The following CDH23 variants were observed in gnomAD, a reference collection of about 807,000 sequenced individuals.
CDH23 encodes cadherin related 23.
Under a neutral mutation model 317.1 loss-of-function variants are expected in CDH23, and 189 were observed. The ratio of observed to expected loss-of-function variants is 0.60; its 90% CI spans 0.53 to 0.67. CDH23 has a LOEUF of 0.67. Ranked by LOEUF, CDH23 falls within the 30% of genes least tolerant of loss-of-function variation. The pLI is 0.00. For synonymous variants in CDH23, 1,839 were observed against 1,876.8 expected (o/e 0.98, Z 0.52); for missense variants, 4,401 against 4,592.4 (o/e 0.96, Z 1.20).
At chr10:71,698,008 TA>T (rs1865456831) in intron 22 of CDH23, among the ~76,000 whole-genome samples, 1 of 152,216 alleles carries the variant, frequency 6.6e-6, no homozygotes, top group Non-Finnish European at 1.5e-5. Context: ...TAAAACTTGT[TA>T]TATGAAACAT....
chr10:71,608,871 A>C (rs530230329), intron 9 of CDH23, among the ~76,000 whole-genome samples: 1 of 152,210 alleles, frequency 6.6e-6, no homozygotes, highest in African/African-American at 2.4e-5. Context: ...CCGAGTGGGG[A>C]GCCTTAGGCT....
At chr10:71,532,721 TTTTTTG>T (rs1855461825) in intron 6 of CDH23, among the ~76,000 whole-genome samples, 1 of 36,104 alleles carries the variant, frequency 2.8e-5, no homozygotes, top group African/African-American at 1.3e-4. Context: ...GTTTTTTTTT[TTTTTTG>T]TTTTTTTTTT....
intron 38 of CDH23, chr10:71,760,731 A>C (rs1840358346): frequency 1.3e-6 from 1 of 768,446 alleles, no homozygotes; most frequent in Non-Finnish European, 2.3e-6. Context: ...AGGGATGTGC[A>C]GCAGCAGAAA....
chr10:71,784,042 A>C (rs1247543458), intron 41 of CDH23, among the ~76,000 whole-genome samples: 4 of 152,294 alleles, frequency 2.6e-5, no homozygotes, highest in Non-Finnish European at 5.9e-5. Context: ...TTGGTCTGGC[A>C]CATGAGGGCA....
In CDH23 at chr10:71,707,031, C is replaced by A; in HGVS notation, c.3088C>A (p.Leu1030Ile). The change falls in exon 26 of 70, where the codon CTC (leucine) becomes ATC (isoleucine). Residue 1030 changes from leucine to isoleucine, a missense_variant. Physicochemically the swap from Leu to Ile is conservative, Grantham distance 5. Around this residue, in one of 3 missense-constraint regions of CDH23, gnomAD observed 3,068 missense variants for 3,203.3 expected, o/e 0.96. Coordinates refer to ENST00000224721, the MANE Select transcript of CDH23 (RefSeq NM_022124.6). ...TDNDVGLNAE[L>I]SYFITGGNVD... ...CAACGACGTGGGCCTCAATGCAGAG[C>A]TCAGCTACTTCATCACAGGTGCTGC... 1 of 1,606,186 alleles carries A rather than the reference C, an allele frequency of 6.2e-7. No individual in the cohort carries two copies. Among genetic ancestry groups the A allele is most frequent in the Non-Finnish European group, 8.5e-7 (1 of 1,176,500 alleles).
At chr10:71,579,284 G>A (rs1340888323) in intron 9 of CDH23, among the ~76,000 whole-genome samples, 1 of 152,036 alleles carries the variant, frequency 6.6e-6, no homozygotes. Flanking sequence ...CATGACTATT[G>A]TTGCACCTCT....
chr10:71,814,335 A>T (rs150187598), intron 69 of CDH23, among the ~76,000 whole-genome samples: 1 of 152,242 alleles, frequency 6.6e-6, no homozygotes, highest in African/African-American at 2.4e-5. Flanking sequence ...GGATCACTTG[A>T]GCCCAGGAGT....
At chr10:71,563,729 C>G (rs1317123032) in intron 6 of CDH23, among the ~76,000 whole-genome samples, 1 of 149,922 alleles carries the variant, frequency 6.7e-6, no homozygotes, top group East Asian at 1.9e-4. Flanking sequence ...TCTTATAATA[C>G]TTTTTTTTTC....
chr10:71,734,628 C>T, intron 33 of CDH23, 28 bp from the exon 34 acceptor site: 6 of 1,529,838 alleles, frequency 3.9e-6, no homozygotes, highest in Non-Finnish European at 5.3e-6. Flanking sequence ...TTCTCTCACT[C>T]CCCTCCTGCT....
At chr10:71,748,566 GC>G (rs1201243231) in intron 38 of CDH23, 3 of 152,240 alleles carry the variant, frequency 2.0e-5, no homozygotes, top group African/African-American at 7.2e-5. Context: ...AGGTAAGATG[GC>G]CCCTAATTCC....
At chr10:71,599,444 A>G (rs1275354660) in intron 9 of CDH23, among the ~76,000 whole-genome samples, 1 of 152,146 alleles carries the variant, frequency 6.6e-6, no homozygotes, top group East Asian at 1.9e-4. Flanking sequence ...GTTTTGTTGC[A>G]TTTTTGAAAG....
chr10:71,431,210 T>C (rs1849355765), intron 1 of CDH23, among the ~76,000 whole-genome samples: 1 of 152,218 alleles, frequency 6.6e-6, no homozygotes. Flanking sequence ...TATGATATTT[T>C]TAAGAGTCGG....
chr10:71,484,346 A>G (rs1257385333), intron 3 of CDH23, among the ~76,000 whole-genome samples: 2 of 152,114 alleles, frequency 1.3e-5, no homozygotes, highest in East Asian at 3.9e-4. Flanking sequence ...CTCTTCCTCC[A>G]TCTCCCAGGG....
At chr10:71,804,966 G>A (rs1175689699) in intron 55 of CDH23, among the ~76,000 whole-genome samples, 1 of 152,128 alleles carries the variant, frequency 6.6e-6, no homozygotes. Context: ...AAAGATTTAT[G>A]TCTCCTGAAC....
In CDH23 at chr10:71,797,107, C is replaced by T. The variant is rs1323235604; in HGVS notation, c.6716C>T (p.Ser2239Phe). The part of the protein sequence containing the change: ...DAFAVNINTG[S>F]VMVKSPMNRE... ...CCTGGCCTGGTCTGGTCCACAGGAT[C>T]TGTAATGGTGAAGTCCCCCATGAAT... is the stretch of plus-strand genomic sequence containing the variant. The change falls in exon 49 of 70, where the codon TCT (serine) becomes TTT (phenylalanine). Residue 2239 changes from serine to phenylalanine, a missense_variant. Around this residue, in one of 3 missense-constraint regions of CDH23, gnomAD observed 3,068 missense variants for 3,203.3 expected, o/e 0.96. Coordinates refer to ENST00000224721, the MANE Select transcript of CDH23 (RefSeq NM_022124.6). The T allele has an allele frequency of 6.2e-7, 1 of 1,608,346 alleles. No homozygotes were observed. The highest frequency in any genetic ancestry group is 1.7e-5 in the Admixed American group (1 of 59,866).
Position 71,805,822 on chromosome 10 carries a change from CCAA to C in CDH23, c.7891_7893del (p.Asn2631del). 1 of 1,613,450 alleles carries C rather than the reference CCAA, an allele frequency of 6.2e-7. No homozygotes were observed. The highest frequency in any genetic ancestry group is 1.1e-5 in the South Asian group (1 of 90,878). ...TCCCCACAGGAGATCCCGCTGCGCT[CCAA>C]CGTGTACGAGGTCTACGCCACGGAC... is the stretch of plus-strand genomic sequence containing the variant. On this transcript the variant is annotated inframe_deletion, in exon 56 of 70. Coordinates refer to ENST00000224721, the MANE Select transcript of CDH23 (RefSeq NM_022124.6).
At chr10:71,533,525 CCACACACACA>C (rs55659529) in intron 6 of CDH23, among the ~76,000 whole-genome samples, 16 of 130,824 alleles carry the variant, frequency 1.2e-4, no homozygotes, top group African/African-American at 3.6e-4. Context: ...TGGCTGGACA[CCACACACACA>C]CACACACACA....
intron 22 of CDH23, among the ~76,000 whole-genome samples, chr10:71,699,428 T>C (rs574784289): frequency 6.6e-6 from 1 of 152,356 alleles, no homozygotes; most frequent in South Asian, 2.1e-4. Flanking sequence ...ACAAGTGTCT[T>C]CCCACATGTG....
intron 35 of CDH23, among the ~76,000 whole-genome samples, chr10:71,739,406 C>T (rs1244869052): frequency 6.6e-6 from 1 of 152,204 alleles, no homozygotes; most frequent in African/African-American, 2.4e-5. Context: ...CTCTTCCAGG[C>T]CAGGATACTG....
Sources: gnomAD v4.1 joint callset for allele counts (sites outside exome capture counted in the v4.1 genomes callset) on GRCh38, gnomAD v4.1.1 for gene constraint, gnomAD v4.1.1 regional missense constraint, MANE v1.5 for transcripts, NCBI Gene and HGNC (gene_info 2026-07-23, HGNC 2026-07-21) for gene names.